KIF3C: variants seen among roughly 807,000 people sequenced by gnomAD.
The protein encoded by KIF3C is kinesin-like protein KIF3C.
Under a neutral mutation model 67.7 loss-of-function variants are expected in KIF3C, and 12 were observed. The observed-to-expected ratio is 0.18, with a 90% CI of 0.11 to 0.29. The LOEUF (loss-of-function observed/expected upper bound fraction) is 0.29, where lower values mean the gene tolerates loss of function less well. Ranked by LOEUF, KIF3C falls within the 10% of genes least tolerant of loss-of-function variation. The pLI is 1.00. For synonymous variants in KIF3C, 393 were observed against 426.2 expected, an observed-to-expected ratio of 0.92 and a Z score of 0.96; for missense variants, 789 against 1,059.6, an observed-to-expected ratio of 0.74 and a Z score of 3.55.
chr2:25,934,833 G>A (rs911121572), intron 5 of KIF3C, among the ~76,000 whole-genome samples: 1 of 152,096 alleles, frequency 6.6e-6, no homozygotes, highest in African/African-American at 2.4e-5. Context: ...GCCGAGGTGG[G>A]AGGATCATCT....
chr2:25,978,680 T>A (rs951413048), intron 1 of KIF3C, among the ~76,000 whole-genome samples: 8 of 152,102 alleles, frequency 5.3e-5, no homozygotes, highest in African/African-American at 1.2e-4. Context: ...CTTCACCCCA[T>A]CCCTCAGGCA....
At chr2:25,962,916 TATATAATATATAATAC>T (rs70950143) in intron 1 of KIF3C, among the ~76,000 whole-genome samples, 4 of 46,266 alleles carry the variant, frequency 8.6e-5, no homozygotes, top group East Asian at 0.02. Flanking sequence ...ATATATAATA[TATATAATATATAATAC>T]ATATAATATA....
At chr2:25,957,125 G>A (rs1663825623) in intron 1 of KIF3C, among the ~76,000 whole-genome samples, 1 of 152,138 alleles carries the variant, frequency 6.6e-6, no homozygotes. Context: ...AAACATTTGT[G>A]GAGCGCTAAG....
chr2:25,963,753 C>T (rs1033642616), intron 1 of KIF3C, among the ~76,000 whole-genome samples: 1 of 150,548 alleles, frequency 6.6e-6, no homozygotes, highest in African/African-American at 2.4e-5. Flanking sequence ...AGTGCAGTGG[C>T]GTGATCTCGG....
At chr2:25,971,220 T>C (rs1040854137) in intron 1 of KIF3C, among the ~76,000 whole-genome samples, 1 of 144,246 alleles carries the variant, frequency 6.9e-6, no homozygotes, top group East Asian at 2.0e-4. Flanking sequence ...TGCAGTGAGC[T>C]GAGATCACGC....
rs375335553 is a variant in KIF3C, at chr2:25,955,120, T to C, written c.1770+421A>G. On this transcript the variant is annotated intron_variant, in intron 3 of 7. Transcript: ENST00000264712. This position sits in a 1 kb window ranked among gnomAD's most constrained non-coding sequence, Gnocchi z 5.0. ...GGGTTCTGGTGAGCGGCTATTCTCATCCCTTGACATGTCCTTGAGGGCCTT... is the reference window on the plus strand; with the variant it reads ...GGGTTCTGGTGAGCGGCTATTCTCACCCCTTGACATGTCCTTGAGGGCCTT... 3.9e-5 allele frequency among the ~76,000 whole-genome samples: 6 copies of C among 152,220 alleles called. No individual in the cohort carries two copies. The East Asian group carries it at 9.7e-4, about 25-fold the overall frequency.
intron 5 of KIF3C, among the ~76,000 whole-genome samples, chr2:25,937,070 C>T (rs1186179336): frequency 6.6e-6 from 1 of 152,216 alleles, no homozygotes. Flanking sequence ...CACAGTACAC[C>T]TGCCACAGGG....
intron 1 of KIF3C, among the ~76,000 whole-genome samples, chr2:25,977,141 C>T (rs1013860983): frequency 6.6e-6 from 1 of 152,052 alleles, no homozygotes; most frequent in Non-Finnish European, 1.5e-5. Context: ...CCGAACATCC[C>T]CTGAGGCCCA....
chr2:25,948,642 GAGAAAGAGAGAA>G (rs1663511004), intron 5 of KIF3C, among the ~76,000 whole-genome samples: 1 of 136,412 alleles, frequency 7.3e-6, no homozygotes, highest in African/African-American at 2.9e-5. Context: ...GAGAGAGAAA[GAGAAAGAGAGAA>G]AGAGAAAGAG....
In KIF3C at chr2:25,929,373, C is replaced by T. The variant is rs1306719328; in HGVS notation, c.2220G>A (p.Glu740=). ...GAAAGCTGTCCAATCGCATGAGCCTCTCCATGTGTAGCGCACGAGGGTCTT... is the reference window on the plus strand; with the variant it reads ...GAAAGCTGTCCAATCGCATGAGCCTTTCCATGTGTAGCGCACGAGGGTCTT... ...QEQDPRALHM[E]RLMRLDSFLE... The change falls in exon 7 of 8, where the codon GAG becomes GAA. Residue 740 remains glutamate, a synonymous_variant. Transcript: ENST00000264712. The T allele has an allele frequency of 6.2e-7, 1 of 1,614,168 alleles. No homozygotes were observed. The highest frequency in any genetic ancestry group is 8.5e-7 in the Non-Finnish European group (1 of 1,180,024).
At chr2:25,945,184 A>C (rs1158673537) in intron 5 of KIF3C, among the ~76,000 whole-genome samples, 2 of 152,176 alleles carry the variant, frequency 1.3e-5, no homozygotes, top group Non-Finnish European at 2.9e-5. Flanking sequence ...CATTTAGAAG[A>C]GTTGCCAACA....
intron 1 of KIF3C, among the ~76,000 whole-genome samples, chr2:25,963,034 A>T (rs1307742013): frequency 1.6e-5 from 1 of 62,414 alleles, no homozygotes; most frequent in Non-Finnish European, 2.7e-5. Context: ...TATAATATAT[A>T]ATATATAATA....
Position 25,926,995 on chromosome 2 carries a change from TGA to T in KIF3C, c.*1981_*1982del, listed in dbSNP as rs2090416374. Reference sequence around the variant, plus strand: ...GCCCTGTTCCCAGCAGATCTTACACTGAGTGTAGAGTGTCCCCTGTGGAGGTA... The same window carrying T: ...GCCCTGTTCCCAGCAGATCTTACACTGTGTAGAGTGTCCCCTGTGGAGGTA... On this transcript the variant is annotated 3_prime_UTR_variant, in exon 8 of 8. Coordinates refer to ENST00000264712, the MANE Select transcript of KIF3C (RefSeq NM_002254.8). 1 of 152,580 alleles carries T rather than the reference TGA, an allele frequency of 6.6e-6. No homozygotes were observed. Among genetic ancestry groups the T allele is most frequent in the Non-Finnish European group, 1.5e-5 (1 of 68,064 alleles). 9.5% of individuals were successfully genotyped at this position (152,580 alleles called of 1,614,324 possible). A position where few individuals can be genotyped will look rare whatever the true frequency, so the allele number is the denominator to read the frequency against.
Position 25,980,933 on chromosome 2 carries a change from A to T in KIF3C, c.985T>A (p.Ser329Thr), listed in dbSNP as rs1574501300. Reference sequence around the variant, plus strand: ...ATGGTCTTGGCATTCCCCCCCAGGGAGTCCTGGAGCAGCCGGGTCAGCTTG... The same window carrying T: ...ATGGTCTTGGCATTCCCCCCCAGGGTGTCCTGGAGCAGCCGGGTCAGCTTG... ...DSKLTRLLQD[S>T]LGGNAKTIMV... The change falls in exon 1 of 8, where the codon TCC (serine) becomes ACC (threonine). Residue 329 changes from serine (S) to threonine (T), a missense_variant. Coordinates refer to ENST00000264712, the MANE Select transcript of KIF3C (RefSeq NM_002254.8). This position sits in a 1 kb window ranked among gnomAD's most constrained non-coding sequence, Gnocchi z 7.6. The T allele has an allele frequency of 6.2e-7, 1 of 1,614,084 alleles. No individual in the cohort carries two copies. Among genetic ancestry groups the T allele is most frequent in the Non-Finnish European group, 8.5e-7 (1 of 1,179,994 alleles).
chr2:25,975,167 T>C (rs973585068), intron 1 of KIF3C, among the ~76,000 whole-genome samples: 10 of 152,254 alleles, frequency 6.6e-5, no homozygotes, highest in Non-Finnish European at 1.3e-4. Context: ...AGTTTTCTTT[T>C]CTTTCCTTTT....
chr2:25,949,895 C>T (rs1243401271), intron 5 of KIF3C, among the ~76,000 whole-genome samples: 2 of 150,890 alleles, frequency 1.3e-5, no homozygotes, highest in Non-Finnish European at 3.0e-5. Flanking sequence ...CGTTTGAACC[C>T]AGGAAGCGGA....
In KIF3C at chr2:25,928,760, T is replaced by TC; in HGVS notation, c.*217dup. On this transcript the variant is annotated 3_prime_UTR_variant, in exon 8 of 8. Coordinates refer to ENST00000264712, the MANE Select transcript of KIF3C (RefSeq NM_002254.8). ...CCCAGACGGCTCAGGCGAGGGCATC[T>TC]CCCCAACACGAACAGAGCTCCGCGA... 1 of 492,562 alleles carries TC rather than the reference T, an allele frequency of 2.0e-6. No individual in the cohort carries two copies. The highest frequency in any genetic ancestry group is 2.5e-5 in the South Asian group (1 of 39,508). The allele number at this position is 492,562 out of a possible 1,614,324, so 30.5% of individuals were successfully genotyped here.
chr2:25,939,265 G>A (rs111940119), intron 5 of KIF3C, among the ~76,000 whole-genome samples: 18,599 of 152,082 alleles, frequency 0.12, 1,686 homozygotes, highest in African/African-American at 0.26. Flanking sequence ...ACCGCGGCTG[G>A]CCTCCCCCTC....
At chr2:25,971,934 C>T (rs1664297117) in intron 1 of KIF3C, among the ~76,000 whole-genome samples, 1 of 122,412 alleles carries the variant, frequency 8.2e-6, no homozygotes, top group African/African-American at 3.2e-5. Context: ...GCTTTGTTGT[C>T]CAGTCTGGTC....
Sources: allele counts gnomAD v4.1 joint callset (sites outside exome capture counted in the v4.1 genomes callset), GRCh38; gene constraint gnomAD v4.1.1; non-coding constraint Gnocchi (gnomAD v3.1); transcripts MANE v1.5; gene names NCBI Gene and HGNC (gene_info 2026-07-23, HGNC 2026-07-21).